DERA: variants seen among roughly 807,000 people sequenced by gnomAD.
DERA encodes 2-deoxy-D-ribose 5-phosphate aldolase.
In DERA, 15 loss-of-function variants were observed where a neutral mutation model predicts 41.1. That is an observed-to-expected ratio of 0.37 (90% CI 0.24 to 0.56). DERA has a LOEUF of 0.56. DERA is among the 20% of genes least tolerant of loss of function. The pLI is 0.81. For missense variants in DERA, 396 were observed against 403.4 expected, an observed-to-expected ratio of 0.98 and a Z score of 0.16; for synonymous variants, 139 against 137.4, an observed-to-expected ratio of 1.01 and a Z score of -0.08.
Position 16,035,521 on chromosome 12 carries a change from C to A in DERA, c.751-711C>A, listed in dbSNP as rs891605758. Among the ~76,000 whole-genome samples, 6 of 152,130 alleles carry A rather than the reference C, an allele frequency of 3.9e-5. No homozygotes were observed. Among genetic ancestry groups the A allele is most frequent in the African/African-American group, 1.4e-4 (6 of 41,428 alleles). ...CATTTCCTAATGGATCCAGGGACAT[C>A]ATTTACGAATATCAGATATTGGCTG... On this transcript the variant is annotated intron_variant, in intron 7 of 8. Transcript: ENST00000428559. This position sits in a 1 kb window ranked among gnomAD's most constrained non-coding sequence, Gnocchi z 4.1.
chr12:15,971,717 C>T (rs1489329369), intron 5 of DERA, among the ~76,000 whole-genome samples: 1 of 152,004 alleles, frequency 6.6e-6, no homozygotes, highest in Non-Finnish European at 1.5e-5. Context: ...GGGGTTTCAC[C>T]ATGTTGGCCA....
At position 15,988,227 on chromosome 12, in the gene DERA, C is replaced by T. The variant is rs987928805; in HGVS notation, c.637+5791C>T. ...TCTCGTTACCTGCAATGTGGTGAGT[C>T]GGGGGCATGTTTTAGCCCTGTTTGT... On this transcript the variant is annotated intron_variant, in intron 6 of 8. Coordinates refer to ENST00000428559, the MANE Select transcript of DERA (RefSeq NM_015954.4). The surrounding 1 kb of genome is among the most constrained non-coding windows in gnomAD (Gnocchi z 6.0). Among the ~76,000 whole-genome samples, 6 of 152,118 alleles carry T rather than the reference C, an allele frequency of 3.9e-5. No homozygotes were observed. Among genetic ancestry groups the T allele is most frequent in the Non-Finnish European group, 7.4e-5 (5 of 68,022 alleles).
chr12:15,970,472 C>T lies in DERA; in HGVS notation c.508+7525C>T, dbSNP rs1021140662. On this transcript the variant is annotated intron_variant, in intron 5 of 8. Coordinates refer to ENST00000428559, the MANE Select transcript of DERA (RefSeq NM_015954.4). This position sits in a 1 kb window ranked among gnomAD's most constrained non-coding sequence, Gnocchi z 4.3. The stretch of plus-strand genomic sequence containing the variant: ...CCAGAATACTTAGCAGATTGCCAGC[C>T]GCTTCAAAATTGAGAAGATACCGTC... Among the ~76,000 whole-genome samples, 3 of 152,014 alleles carry T rather than the reference C, an allele frequency of 2.0e-5. No individual in the cohort carries two copies. The highest frequency in any genetic ancestry group is 6.5e-5 in the Admixed American group (1 of 15,268).
At position 15,936,876 on chromosome 12, in the gene DERA, T is replaced by TGTCC. The variant is rs1565588562; in HGVS notation, c.32-20060_32-20059insGTCC. Among the ~76,000 whole-genome samples, 3 of 134,262 alleles carry TGTCC rather than the reference T, an allele frequency of 2.2e-5. No individual in the cohort carries two copies. The highest frequency in any genetic ancestry group is 4.5e-5 in the Non-Finnish European group (3 of 65,970). The allele number at this position is 134,262 out of a possible 152,430, so 88.1% of individuals were successfully genotyped here. Reference sequence around the variant, plus strand: ...TTGTCTTGTCTTGTCTTGTCTTGTCTTGTCTTGTCTTGTCCTGTCCTGTCC... The same window carrying TGTCC: ...TTGTCTTGTCTTGTCTTGTCTTGTCTGTCCTGTCTTGTCTTGTCCTGTCCTGTCC... On this transcript the variant is annotated intron_variant, in intron 1 of 8. Transcript: ENST00000428559. The surrounding 1 kb of genome is among the most constrained non-coding windows in gnomAD (Gnocchi z 4.6).
At chr12:15,979,218 A>T (rs1378023431) in intron 5 of DERA, among the ~76,000 whole-genome samples, 2 of 152,230 alleles carry the variant, frequency 1.3e-5, no homozygotes, top group African/African-American at 4.8e-5. Context: ...TTGGAAAAAA[A>T]GCAGGACCAT....
chr12:15,955,048 C>A (rs956954477), intron 1 of DERA, among the ~76,000 whole-genome samples: 12 of 151,866 alleles, frequency 7.9e-5, no homozygotes, highest in African/African-American at 2.7e-4. Flanking sequence ...GCCTGTAATC[C>A]CAGCACTTTA....
chr12:15,933,137 C>T (rs182545855), intron 1 of DERA, among the ~76,000 whole-genome samples: 1 of 152,312 alleles, frequency 6.6e-6, no homozygotes, highest in East Asian at 1.9e-4. Flanking sequence ...CGTGGTAGAG[C>T]AGATGTTTCT....
rs1293292204 is a variant in DERA at position 16,025,232 on chromosome 12, G to A, written c.638-7310G>A. Among the ~76,000 whole-genome samples, 19 of 152,140 alleles carry A rather than the reference G, an allele frequency of 1.2e-4. 1 individual carries two copies. On this transcript the variant is annotated intron_variant, in intron 6 of 8. Transcript: ENST00000428559. ...GACTACATCAGTAATTAGTTTAAAT[G>A]TTAGTAGTCTAAATATGCCAATTAG...
Position 15,915,807 on chromosome 12 carries a change from T to C in DERA, c.31+4393T>C, listed in dbSNP as rs1948194905. On this transcript the variant is annotated intron_variant, in intron 1 of 8. Transcript: ENST00000428559. This position sits in a 1 kb window ranked among gnomAD's most constrained non-coding sequence, Gnocchi z 4.8. ...CAATGGCCCTGTGAGGGAGATAGCATGATCCAGGTTTACACACGAGCAAAC... is the reference window on the plus strand; with the variant it reads ...CAATGGCCCTGTGAGGGAGATAGCACGATCCAGGTTTACACACGAGCAAAC... Among the ~76,000 whole-genome samples, 1 of 152,204 alleles carries C rather than the reference T, an allele frequency of 6.6e-6. No homozygotes were observed. Among genetic ancestry groups the C allele is most frequent in the African/African-American group, 2.4e-5 (1 of 41,450 alleles).
At chr12:16,005,305 G>A (rs1318858292) in intron 6 of DERA, among the ~76,000 whole-genome samples, 1 of 152,008 alleles carries the variant, frequency 6.6e-6, no homozygotes, top group Non-Finnish European at 1.5e-5. Flanking sequence ...AATTAGCAGG[G>A]CACGGTAAGG....
rs1948946698 is a variant in DERA at position 16,011,534 on chromosome 12, G to C, written c.638-21008G>C. On this transcript the variant is annotated intron_variant, in intron 6 of 8. Transcript: ENST00000428559. The surrounding 1 kb of genome is among the most constrained non-coding windows in gnomAD (Gnocchi z 4.7). ...ATTTGGGATGCTCTACTTGTACCTT[G>C]CTTGTATTGAGGTTCCATTTCCCCC... Among the ~76,000 whole-genome samples the C allele has an allele frequency of 6.6e-6, 1 of 152,096 alleles. No homozygotes were observed. Among genetic ancestry groups the C allele is most frequent in the African/African-American group, 2.4e-5 (1 of 41,416 alleles).
In DERA at chr12:16,017,931, A is replaced by G. The variant is rs1948993943; in HGVS notation, c.638-14611A>G. Among the ~76,000 whole-genome samples, 1 of 152,202 alleles carries G rather than the reference A, an allele frequency of 6.6e-6. No individual in the cohort carries two copies. The highest frequency in any genetic ancestry group is 2.4e-5 in the African/African-American group (1 of 41,452). ...TTGAAATCCTACTTTTCATTAGTGA[A>G]GTATAAAATGTTAATAATACCTTCC... is the stretch of plus-strand genomic sequence containing the variant. On this transcript the variant is annotated intron_variant, in intron 6 of 8. Transcript: ENST00000428559. This position sits in a 1 kb window ranked among gnomAD's most constrained non-coding sequence, Gnocchi z 5.5.
chr12:15,944,071 T>G (rs1352957581), intron 1 of DERA, among the ~76,000 whole-genome samples: 2 of 152,080 alleles, frequency 1.3e-5, no homozygotes, highest in African/African-American at 4.8e-5. Context: ...TCCTTCTTTA[T>G]GGCTGCTTAG....
chr12:15,962,914 A>T lies in DERA; in HGVS notation c.475A>T (p.Asn159Tyr). The T allele has an allele frequency of 6.2e-7, 1 of 1,604,518 alleles. No homozygotes were observed. Among genetic ancestry groups the T allele is most frequent in the Non-Finnish European group, 8.5e-7 (1 of 1,175,380 alleles). The part of the protein sequence containing the change: ...DGATEIDVVI[N>Y]RSLVLTGQWE... ...AGCTACAGAAATCGACGTGGTAATT[A>T]ACAGAAGCTTGGTGCTGACAGGCCA... The change falls in exon 5 of 9, where the codon AAC (asparagine) becomes TAC (tyrosine). Residue 159 changes from asparagine (N) to tyrosine (Y), a missense_variant. Asn to Tyr is a moderately radical substitution (Grantham distance 143). Transcript: ENST00000428559.
At chr12:16,023,541 G>T (rs1457486765) in intron 6 of DERA, among the ~76,000 whole-genome samples, 2 of 147,198 alleles carry the variant, frequency 1.4e-5, no homozygotes, top group African/African-American at 5.1e-5. Context: ...GCAGTGGCGG[G>T]ATCTCGGCTC....
intron 1 of DERA, among the ~76,000 whole-genome samples, chr12:15,955,978 T>C (rs1948535211): frequency 6.6e-6 from 1 of 152,218 alleles, no homozygotes; most frequent in South Asian, 2.1e-4. Context: ...TAAATAATGT[T>C]CATGTCCGAT....
In DERA at chr12:16,011,263, TC is replaced by T. The variant is rs1222096925; in HGVS notation, c.638-21278del. Reference sequence around the variant, plus strand: ...TTAAAATGTTTCTTCATTTTACTCATCTTTGCCAAAGCATAGTGATACCAAA... The same window carrying T: ...TTAAAATGTTTCTTCATTTTACTCATTTTGCCAAAGCATAGTGATACCAAA... On this transcript the variant is annotated intron_variant, in intron 6 of 8. Coordinates refer to ENST00000428559, the MANE Select transcript of DERA (RefSeq NM_015954.4). The surrounding 1 kb of genome is among the most constrained non-coding windows in gnomAD (Gnocchi z 4.7). Among the ~76,000 whole-genome samples the T allele has an allele frequency of 3.9e-5, 6 of 152,342 alleles. No homozygotes were observed. Among genetic ancestry groups the T allele is most frequent in the African/African-American group, 1.4e-4 (6 of 41,588 alleles).
intron 6 of DERA, among the ~76,000 whole-genome samples, chr12:15,991,505 C>T (rs143189064): frequency 1.1e-3 from 171 of 152,238 alleles, no homozygotes; most frequent in African/African-American, 4.0e-3. Context: ...ATCAGCTCTT[C>T]AGACATGTAT....
chr12:16,013,987 A>G lies in DERA; in HGVS notation c.638-18555A>G, dbSNP rs139631900. Among the ~76,000 whole-genome samples the G allele has an allele frequency of 1.8e-3, 269 of 152,306 alleles. No individual in the cohort carries two copies. The highest frequency in any genetic ancestry group is 6.1e-3 in the African/African-American group (255 of 41,572). On this transcript the variant is annotated intron_variant, in intron 6 of 8. Coordinates refer to ENST00000428559, the MANE Select transcript of DERA (RefSeq NM_015954.4). The surrounding 1 kb of genome is among the most constrained non-coding windows in gnomAD (Gnocchi z 5.8). ...ACTTTGAACTTGAGAGAGGTGATTTAGGGTATTTGGCAGAATAAATTTCTA... is the reference window on the plus strand; with the variant it reads ...ACTTTGAACTTGAGAGAGGTGATTTGGGGTATTTGGCAGAATAAATTTCTA...
Sources: allele counts gnomAD v4.1 joint callset (sites outside exome capture counted in the v4.1 genomes callset), GRCh38; gene constraint gnomAD v4.1.1; non-coding constraint Gnocchi (gnomAD v3.1); transcripts MANE v1.5; gene names NCBI Gene and HGNC (gene_info 2026-07-23, HGNC 2026-07-21).